USO1: variants seen among roughly 807,000 people sequenced by gnomAD.
The protein encoded by USO1 is USO1 vesicle transport factor.
Under a neutral mutation model 124.5 loss-of-function variants are expected in USO1, and 57 were observed. The ratio of observed to expected loss-of-function variants is 0.46; its 90% CI spans 0.37 to 0.57. USO1 has a LOEUF of 0.57. Ranked by LOEUF, USO1 falls within the 20% of genes least tolerant of loss-of-function variation. The pLI, the probability that USO1 is intolerant of heterozygous loss-of-function variation, is 0.00. For missense variants in USO1, 900 were observed against 1,040.6 expected (o/e 0.86, Z 1.86); for synonymous variants, 369 against 362.8 (o/e 1.02, Z -0.19).
chr4:75,762,559 T>C (rs1037426171), intron 4 of USO1, among the ~76,000 whole-genome samples: 32 of 152,170 alleles, frequency 2.1e-4, no homozygotes, highest in African/African-American at 7.5e-4. Context: ...TTCTTTATTT[T>C]TCTGACTGGG....
At chr4:75,733,468 A>G (rs558961285) in intron 1 of USO1, among the ~76,000 whole-genome samples, 29 of 152,240 alleles carry the variant, frequency 1.9e-4, no homozygotes, top group African/African-American at 6.5e-4. Context: ...AACCTCTCTA[A>G]CATCTGTTTT....
chr4:75,809,946 T>C (rs943094552), intron 21 of USO1, among the ~76,000 whole-genome samples: 1 of 152,206 alleles, frequency 6.6e-6, no homozygotes, highest in Non-Finnish European at 1.5e-5. Flanking sequence ...GACTTCCTAG[T>C]ATTTTAGAAA....
intron 4 of USO1, among the ~76,000 whole-genome samples, chr4:75,764,403 G>A (rs1721706265): frequency 6.6e-6 from 1 of 152,118 alleles, no homozygotes; most frequent in African/African-American, 2.4e-5. Flanking sequence ...GTGCTGAGAA[G>A]CCTGCAGTGA....
intron 3 of USO1, 111 bp downstream of exon 3, chr4:75,752,715 T>C (rs979709838): frequency 7.7e-6 from 3 of 390,166 alleles, no homozygotes; most frequent in Admixed American, 4.5e-5. Context: ...TTGGTAGAGA[T>C]GGGGTTTGCC....
At chr4:75,742,076 G>C (rs1044798901) in intron 1 of USO1, among the ~76,000 whole-genome samples, 2 of 152,178 alleles carry the variant, frequency 1.3e-5, no homozygotes, top group Non-Finnish European at 2.9e-5. Context: ...AATACTTCTT[G>C]AAGGACCTGC....
At chr4:75,776,689 T>G (rs1432467787) in intron 8 of USO1, among the ~76,000 whole-genome samples, 1 of 152,138 alleles carries the variant, frequency 6.6e-6, no homozygotes, top group Non-Finnish European at 1.5e-5. Flanking sequence ...TTCAAAGCCT[T>G]CAGATGGTCC....
chr4:75,782,103 G>A (rs924090433), intron 8 of USO1, among the ~76,000 whole-genome samples: 6 of 152,210 alleles, frequency 3.9e-5, no homozygotes, highest in African/African-American at 1.4e-4. Flanking sequence ...AGAGCATAAT[G>A]TTTTAGAAAT....
intron 1 of USO1, among the ~76,000 whole-genome samples, chr4:75,727,178 C>T (rs1577918284): frequency 6.6e-6 from 1 of 152,134 alleles, no homozygotes; most frequent in Admixed American, 6.5e-5. Flanking sequence ...GCTAGAAAGT[C>T]CCAGATAGAG....
At chr4:75,799,219 T>C (rs1363263109) in intron 13 of USO1, among the ~76,000 whole-genome samples, 1 of 152,098 alleles carries the variant, frequency 6.6e-6, no homozygotes, top group African/African-American at 2.4e-5. Context: ...GAATTTTCCT[T>C]TTATCAGGAA....
intron 4 of USO1, among the ~76,000 whole-genome samples, chr4:75,768,304 T>A (rs978177308): frequency 1.3e-5 from 2 of 152,212 alleles, no homozygotes; most frequent in African/African-American, 4.8e-5. Flanking sequence ...GGAGCCACTG[T>A]ACCTGGCCTG....
At chr4:75,729,104 G>A (rs924709854) in intron 1 of USO1, among the ~76,000 whole-genome samples, 9 of 152,078 alleles carry the variant, frequency 5.9e-5, no homozygotes, top group South Asian at 2.1e-4. Flanking sequence ...CCCCAGAGTC[G>A]GGTACTTTTA....
intron 1 of USO1, among the ~76,000 whole-genome samples, chr4:75,751,811 G>A (rs982453400): frequency 1.8e-4 from 28 of 151,730 alleles, no homozygotes; most frequent in East Asian, 9.9e-4. Flanking sequence ...CAGCCTGGGG[G>A]ACAAGAGCGA....
chr4:75,800,630 A>G lies in USO1; in HGVS notation c.1695A>G (p.Lys565=). ...CTTATCTCCGTAGAGAGAAGCTAAA[A>G]CAACTGATTGAGAAGAGGATTGGCA... ...SLESYMKEKL[K]QLIEKRIGKE... is the part of the protein sequence containing the mutation. Residue 565 remains lysine (K), a synonymous_variant, in exon 16 of 24, where the codon AAA becomes AAG. Transcript: ENST00000514213. 6.4e-7 allele frequency: 1 copy of G among 1,563,922 alleles called. No homozygotes were observed. The highest frequency in any genetic ancestry group is 8.6e-7 in the Non-Finnish European group (1 of 1,162,470).
At chr4:75,773,963 T>TA (rs1722003872) in intron 7 of USO1, among the ~76,000 whole-genome samples, 1 of 152,164 alleles carries the variant, frequency 6.6e-6, no homozygotes, top group African/African-American at 2.4e-5. Context: ...TGCTATTATT[T>TA]AATACTTAGG....
At chr4:75,788,171 A>ATTTTTTT (rs11291010) in intron 10 of USO1, among the ~76,000 whole-genome samples, 21 of 123,222 alleles carry the variant, frequency 1.7e-4, no homozygotes, top group South Asian at 2.7e-4. Flanking sequence ...TTATTTATTT[A>ATTTTTTT]TTTTTTTTTT....
At chr4:75,773,571 A>G (rs1442384954) in intron 7 of USO1, among the ~76,000 whole-genome samples, 1 of 152,172 alleles carries the variant, frequency 6.6e-6, no homozygotes, top group Non-Finnish European at 1.5e-5. Flanking sequence ...TTTTTGGGGA[A>G]CAGTGTTTGG....
chr4:75,802,435 C>G (rs1013121145), intron 17 of USO1, among the ~76,000 whole-genome samples: 1 of 152,086 alleles, frequency 6.6e-6, no homozygotes, highest in Non-Finnish European at 1.5e-5. Flanking sequence ...GTGATTGACA[C>G]AATTACTCTA....
At chr4:75,809,079 A>G (rs778661145) in intron 21 of USO1, 28 bp downstream of exon 21, 1 of 1,542,534 alleles carries the variant, frequency 6.5e-7, no homozygotes, top group Admixed American at 2.2e-5. Flanking sequence ...TTTCTCTGGA[A>G]GGTAATAAAG....
At chr4:75,801,921 G>A (rs929212671) in intron 17 of USO1, among the ~76,000 whole-genome samples, 20 of 152,226 alleles carry the variant, frequency 1.3e-4, no homozygotes, top group African/African-American at 4.8e-4. Context: ...CCAGGTTCAA[G>A]CAATTCTCTT....
Sources: allele counts gnomAD v4.1 joint callset (sites outside exome capture counted in the v4.1 genomes callset), GRCh38; gene constraint gnomAD v4.1.1; transcripts MANE v1.5; gene names NCBI Gene and HGNC (gene_info 2026-07-23, HGNC 2026-07-21).